The following FOXN4 variants were observed in gnomAD, a reference collection of about 807,000 sequenced individuals.
FOXN4 encodes forkhead box N4, also known as forkhead box protein N4.
A neutral mutation model predicts 45.0 loss-of-function variants in FOXN4; 12 were observed. The observed-to-expected ratio is 0.27, with a 90% CI of 0.17 to 0.43. The LOEUF is 0.43. Among genes scored for constraint, FOXN4 ranks in the 20% least tolerant of loss-of-function variants. The pLI, the probability that FOXN4 is intolerant of heterozygous loss-of-function variation, is 1.00. For synonymous variants in FOXN4, 297 were observed against 295.0 expected, an observed-to-expected ratio of 1.01 and a Z score of -0.07; for missense variants, 560 against 694.9, an observed-to-expected ratio of 0.81 and a Z score of 2.18.
In FOXN4 at chr12:109,290,318, G is replaced by A. The variant is rs1198425880; in HGVS notation, c.87-32C>T. The A allele has an allele frequency of 3.3e-6, 5 of 1,519,770 alleles. No individual in the cohort carries two copies. Among genetic ancestry groups the A allele is most frequent in the East Asian group, 5.0e-5 (2 of 40,044 alleles). 94.1% of individuals were successfully genotyped at this position (1,519,770 alleles called of 1,614,324 possible). Reference sequence around the variant, plus strand: ...AGAGGAACAGAGAACTCGGGCGGGAGGGGGAGCTTAGGCCAGCTCCTGGGG... The same window carrying A: ...AGAGGAACAGAGAACTCGGGCGGGAAGGGGAGCTTAGGCCAGCTCCTGGGG... On this transcript the variant is annotated intron_variant, in intron 2 of 9. Transcript: ENST00000299162. This position sits in a 1 kb window ranked among gnomAD's most constrained non-coding sequence, Gnocchi z 5.1.
intron 8 of FOXN4, 79 bp downstream of exon 8, chr12:109,285,225 G>C (rs565578323): frequency 1.3e-6 from 2 of 1,513,200 alleles, no homozygotes; most frequent in Non-Finnish European, 1.8e-6. Context: ...GGTGGATGTC[G>C]GCCAGGTCCT....
At position 109,279,599 on chromosome 12, in the gene FOXN4, G is replaced by A. The variant is rs1187914923; in HGVS notation, c.*72C>T. 1.9e-5 allele frequency: 29 copies of A among 1,535,356 alleles called. No homozygotes were observed. Among genetic ancestry groups the A allele is most frequent in the Middle Eastern group, 2.0e-4 (1 of 5,060 alleles). On this transcript the variant is annotated 3_prime_UTR_variant, in exon 10 of 10. Transcript: ENST00000299162. ...GGGACAATGAGGGACCTGCCTTCTG[G>A]GAACACCCTGTTCTAGTCAGTTCTC...
intron 8 of FOXN4, 113 bp downstream of exon 8, chr12:109,285,191 C>G: frequency 7.5e-7 from 1 of 1,335,498 alleles, no homozygotes; most frequent in Non-Finnish European, 1.0e-6. Context: ...TATGCATCGG[C>G]TTCACCAGGG....
At chr12:109,286,200 A>G (rs141176726) in intron 7 of FOXN4, among the ~76,000 whole-genome samples, 1 of 152,302 alleles carries the variant, frequency 6.6e-6, no homozygotes, top group East Asian at 1.9e-4. Context: ...TGATGCTAAC[A>G]AGGATAACAC....
chr12:109,308,234 ACCTGTATT>A lies in FOXN4; in HGVS notation c.80_86+1del, dbSNP rs2047938508. On this transcript the variant is annotated splice_donor_variant and coding_sequence_variant, in exon 2 of 10. Coordinates refer to ENST00000299162, the MANE Select transcript of FOXN4 (RefSeq NM_213596.3). LOFTEE classifies it high-confidence loss of function. ...ATAGTTTGTTATTGTTGGAGCCCTC[ACCTGTATT>A]CCTGTGGAGAGGGGTGGTGATTTTG... is the stretch of plus-strand genomic sequence containing the variant. 2 of 1,547,138 alleles carry A rather than the reference ACCTGTATT, an allele frequency of 1.3e-6. No homozygotes were observed. The highest frequency in any genetic ancestry group is 2.7e-5 in the African/African-American group (2 of 72,908).
At position 109,288,490 on chromosome 12, in the gene FOXN4, A is replaced by G. The variant is rs2047736819; in HGVS notation, c.233-310T>C. On this transcript the variant is annotated intron_variant, in intron 3 of 9. Coordinates refer to ENST00000299162, the MANE Select transcript of FOXN4 (RefSeq NM_213596.3). The surrounding 1 kb of genome is among the most constrained non-coding windows in gnomAD (Gnocchi z 4.3). ...TGCTTAGCACACTGCTGGGCACATG[A>G]TAATATCTCAATAAACATGAGTCAA... Among the ~76,000 whole-genome samples the G allele has an allele frequency of 6.6e-6, 1 of 152,240 alleles. No homozygotes were observed. The highest frequency in any genetic ancestry group is 1.5e-5 in the Non-Finnish European group (1 of 68,046).
rs752110013 is a variant in FOXN4 at position 109,279,462 on chromosome 12, C to T, written c.*209G>A. ...CATTCTTCTGACTTGGAAGAGCCCC[C>T]AGAAACTGCTCCGGAAGCTCCAGGG... On this transcript the variant is annotated 3_prime_UTR_variant, in exon 10 of 10. Transcript: ENST00000299162. The T allele has an allele frequency of 2.8e-6, 2 of 705,052 alleles. No individual in the cohort carries two copies. The highest frequency in any genetic ancestry group is 3.9e-5 in the South Asian group (2 of 51,626). The allele number at this position is 705,052 out of a possible 1,614,324, so 43.7% of individuals were successfully genotyped here.
intron 8 of FOXN4, among the ~76,000 whole-genome samples, chr12:109,283,561 C>T (rs928501209): frequency 7.3e-5 from 11 of 151,468 alleles, no homozygotes; most frequent in Admixed American, 2.0e-4. Flanking sequence ...CTGCAACCTC[C>T]GCCTCCTGGG....
In FOXN4 at chr12:109,285,287, G is replaced by A. The variant is rs2047698634; in HGVS notation, c.901+17C>T. 1 of 1,579,436 alleles carries A rather than the reference G, an allele frequency of 6.3e-7. No individual in the cohort carries two copies. The highest frequency in any genetic ancestry group is 8.6e-7 in the Non-Finnish European group (1 of 1,162,360). ...TGTGTGTGTGTGTGCGCGCACTGCG[G>A]GCTGTCCGGCCCTCACCAGGGTTGG... is the stretch of plus-strand genomic sequence containing the variant. On this transcript the variant is annotated intron_variant, in intron 8 of 9. Coordinates refer to ENST00000299162, the MANE Select transcript of FOXN4 (RefSeq NM_213596.3).
chr12:109,290,159 C>G lies in FOXN4; in HGVS notation c.214G>C (p.Val72Leu), dbSNP rs764230793. ...SGRVDLGGPC[V>L]PHPHPGALAG... ...AGCCTACCTGGGTGTGGATGTGGCA[C>G]GCAGGGGCCACCCAGGTCCACGCGG... Residue 72 changes from valine to leucine, a missense_variant, in exon 3 of 10, where the codon GTG becomes CTG. Physicochemically the swap from Val to Leu is conservative, Grantham distance 32. Transcript: ENST00000299162. This position sits in a 1 kb window ranked among gnomAD's most constrained non-coding sequence, Gnocchi z 5.1. The G allele has an allele frequency of 1.3e-6, 2 of 1,549,640 alleles. No homozygotes were observed. Among genetic ancestry groups the G allele is most frequent in the South Asian group, 1.2e-5 (1 of 83,664 alleles).
chr12:109,300,523 G>A (rs1408901364), intron 2 of FOXN4, among the ~76,000 whole-genome samples: 1 of 152,176 alleles, frequency 6.6e-6, no homozygotes, highest in East Asian at 1.9e-4. Context: ...AACCAGGGAC[G>A]CACTCAGAGC....
chr12:109,281,680 G>T lies in FOXN4; in HGVS notation c.1021C>A (p.Leu341Met). ...ATTVAVAHGC[L>M]AVSQLPPQPL... ...TGGGGTGGGAGCTGGGAGACAGCCA[G>T]GCAGCCATGCGCCACGGCCACTGTG... Residue 341 changes from leucine to methionine, a missense_variant, in exon 9 of 10, where the codon CTG becomes ATG. By Grantham distance (15) the Leu-to-Met change is conservative. Coordinates refer to ENST00000299162, the MANE Select transcript of FOXN4 (RefSeq NM_213596.3). The T allele has an allele frequency of 6.2e-7, 1 of 1,610,524 alleles. No homozygotes were observed.
At chr12:109,294,057 C>T (rs915146943) in intron 2 of FOXN4, among the ~76,000 whole-genome samples, 23 of 152,212 alleles carry the variant, frequency 1.5e-4, no homozygotes, top group Non-Finnish European at 4.4e-5. Flanking sequence ...TCCTGTGGCA[C>T]TACAGGTGGA....
Position 109,281,773 on chromosome 12 carries a change from G to T in FOXN4, c.928C>A (p.Arg310=). Residue 310 remains arginine (R), a synonymous_variant, in exon 9 of 10, where the codon CGG becomes AGG. Coordinates refer to ENST00000299162, the MANE Select transcript of FOXN4 (RefSeq NM_213596.3). ...PEELDKLISD[R]PESCRRPGKP... ...CCGGGGCGCCGGCAGCTTTCAGGCCGGTCGGAGATCAGCTTGTCCAACTCC... is the reference window on the plus strand; with the variant it reads ...CCGGGGCGCCGGCAGCTTTCAGGCCTGTCGGAGATCAGCTTGTCCAACTCC... 1.3e-6 allele frequency: 2 copies of T among 1,593,378 alleles called. No individual in the cohort carries two copies. Among genetic ancestry groups the T allele is most frequent in the Non-Finnish European group, 1.7e-6 (2 of 1,171,744 alleles).
chr12:109,288,209 T>G lies in FOXN4; in HGVS notation c.233-29A>C. 1 of 1,540,260 alleles carries G rather than the reference T, an allele frequency of 6.5e-7. No individual in the cohort carries two copies. The highest frequency in any genetic ancestry group is 8.7e-7 in the Non-Finnish European group (1 of 1,144,612). On this transcript the variant is annotated intron_variant, in intron 3 of 9. Transcript: ENST00000299162. This position sits in a 1 kb window ranked among gnomAD's most constrained non-coding sequence, Gnocchi z 4.3. ...CCGGAGAGAAGCACAGAGACGCTGCTGGGCTGGAGGAATGGTGGCTGCCAC... is the reference window on the plus strand; with the variant it reads ...CCGGAGAGAAGCACAGAGACGCTGCGGGGCTGGAGGAATGGTGGCTGCCAC...
chr12:109,299,239 C>A (rs193064413), intron 2 of FOXN4, among the ~76,000 whole-genome samples: 3 of 152,154 alleles, frequency 2.0e-5, no homozygotes, highest in Non-Finnish European at 4.4e-5. Context: ...CCCCCAAGGA[C>A]GCTTCTTGCT....
chr12:109,302,966 G>C (rs1438926896), intron 2 of FOXN4, among the ~76,000 whole-genome samples: 2 of 152,192 alleles, frequency 1.3e-5, no homozygotes, highest in Non-Finnish European at 2.9e-5. Context: ...CCATGTGCAG[G>C]ATAAAGAAAA....
intron 2 of FOXN4, among the ~76,000 whole-genome samples, chr12:109,306,157 C>G (rs773117112): frequency 1.3e-5 from 2 of 152,156 alleles, no homozygotes; most frequent in African/African-American, 4.8e-5. Context: ...CCTCCATAGA[C>G]GCGTCTCTTG....
rs546864463 is a variant in FOXN4 at position 109,281,475 on chromosome 12, T to G, written c.1226A>C (p.Asn409Thr). The G allele has an allele frequency of 6.2e-7, 1 of 1,613,902 alleles. No individual in the cohort carries two copies. Among genetic ancestry groups the G allele is most frequent in the Non-Finnish European group, 8.5e-7 (1 of 1,179,898 alleles). ...CTCAGTGTTCATGTCGGTGCTGATG[T>G]TGATGAAGTCTACAGGAGCCCTTCC... ...AMGRAPVDFI[N>T]ISTDMNTEVD... The change falls in exon 9 of 10, where the codon AAC (asparagine) becomes ACC (threonine). Residue 409 changes from asparagine (N) to threonine (T), a missense_variant. By Grantham distance (65) the Asn-to-Thr change is moderately conservative. Coordinates refer to ENST00000299162, the MANE Select transcript of FOXN4 (RefSeq NM_213596.3).
Sources: allele counts gnomAD v4.1 joint callset (sites outside exome capture counted in the v4.1 genomes callset), GRCh38; gene constraint gnomAD v4.1.1; non-coding constraint Gnocchi (gnomAD v3.1); transcripts MANE v1.5; gene names NCBI Gene and HGNC (gene_info 2026-07-23, HGNC 2026-07-21).